PCDH9: variants seen among roughly 807,000 people sequenced by gnomAD.
PCDH9 encodes protocadherin-9.
Under a neutral mutation model 70.6 loss-of-function variants are expected in PCDH9, and 24 were observed. The ratio of observed to expected loss-of-function variants is 0.34; its 90% CI spans 0.25 to 0.48. The LOEUF (loss-of-function observed/expected upper bound fraction) is 0.48, where lower values mean the gene tolerates loss of function less well. PCDH9 is among the 20% of genes least tolerant of loss of function. The pLI is 0.99. For missense variants in PCDH9, 1,281 were observed against 1,503.6 expected (o/e 0.85, Z 2.45); for synonymous variants, 562 against 558.5 (o/e 1.01, Z -0.09).
chr13:66,518,391 A>G (rs1959839403), intron 4 of PCDH9, among the ~76,000 whole-genome samples: 1 of 152,142 alleles, frequency 6.6e-6, no homozygotes, highest in African/African-American at 2.4e-5. Flanking sequence ...AAACTATATC[A>G]ATCCCTATTT....
chr13:66,991,239 C>T (rs186708211), intron 2 of PCDH9: 1 of 152,082 alleles, frequency 6.6e-6, no homozygotes, highest in East Asian at 1.9e-4. Context: ...TAAGATCAAT[C>T]CATTACTATC....
Position 66,797,168 on chromosome 13 carries a change from A to G in PCDH9, c.3138+106336T>C, listed in dbSNP as rs185495999. 8.5e-5 allele frequency among the ~76,000 whole-genome samples: 13 copies of G among 152,250 alleles called. No homozygotes were observed. In the Middle Eastern group the frequency reaches 0.01, roughly 120 times the overall value. On this transcript the variant is annotated intron_variant, in intron 3 of 4. Transcript: ENST00000377865. ...TACAGAGTTCTTTTGACTGGGAGTT[A>G]TATTTTAAAATATGTGTTGCTCACA...
intron 4 of PCDH9, among the ~76,000 whole-genome samples, chr13:66,345,729 G>A (rs1219070493): frequency 2.0e-5 from 3 of 152,132 alleles, no homozygotes; most frequent in Non-Finnish European, 4.4e-5. Context: ...CCAGAGATGC[G>A]CCATGTCCAC....
At chr13:66,979,354 C>T (rs2083690337) in intron 2 of PCDH9, among the ~76,000 whole-genome samples, 1 of 152,098 alleles carries the variant, frequency 6.6e-6, no homozygotes, top group South Asian at 2.1e-4. Flanking sequence ...TTTGAAACTC[C>T]TTCATATTTT....
At chr13:66,805,318 A>T in intron 3 of PCDH9, among the ~76,000 whole-genome samples, 1 of 152,182 alleles carries the variant, frequency 6.6e-6, no homozygotes, top group Non-Finnish European at 1.5e-5. Context: ...TCTGCAGTCA[A>T]ACGTATTCAG....
chr13:66,798,971 G>C (rs2080286959), intron 3 of PCDH9, among the ~76,000 whole-genome samples: 1 of 151,818 alleles, frequency 6.6e-6, no homozygotes, highest in Non-Finnish European at 1.5e-5. Context: ...GTGCCACCAG[G>C]TCCAGTTAAT....
intron 2 of PCDH9, among the ~76,000 whole-genome samples, chr13:66,986,703 A>T (rs1489663682): frequency 6.6e-6 from 1 of 152,014 alleles, no homozygotes; most frequent in African/African-American, 2.4e-5. Context: ...GGGTACTAAA[A>T]CCATGATGAT....
At chr13:66,684,912 T>A (rs928188081) in intron 3 of PCDH9, among the ~76,000 whole-genome samples, 12 of 151,992 alleles carry the variant, frequency 7.9e-5, no homozygotes, top group Non-Finnish European at 1.5e-4. Flanking sequence ...ACTTGTTGAA[T>A]GCAAAATGTT....
intron 4 of PCDH9, among the ~76,000 whole-genome samples, chr13:66,357,627 T>G (rs1370550176): frequency 6.6e-6 from 1 of 152,094 alleles, no homozygotes; most frequent in Non-Finnish European, 1.5e-5. Context: ...AGTTGCTTAA[T>G]TGGATACAAA....
intron 3 of PCDH9, among the ~76,000 whole-genome samples, chr13:66,794,576 T>C (rs2080211065): frequency 6.6e-6 from 1 of 152,052 alleles, no homozygotes; most frequent in South Asian, 2.1e-4. Flanking sequence ...ACAGCCACCA[T>C]TATCACCCAA....
chr13:66,779,847 C>A (rs9540908), intron 3 of PCDH9, among the ~76,000 whole-genome samples: 14,360 of 57,064 alleles, frequency 0.25, 866 homozygotes, highest in South Asian at 0.3. Flanking sequence ...CTCTCTCTCT[C>A]TCTATATATA....
At chr13:66,641,049 ATTT>A in intron 3 of PCDH9, among the ~76,000 whole-genome samples, 1 of 151,882 alleles carries the variant, frequency 6.6e-6, no homozygotes, top group Non-Finnish European at 1.5e-5. Flanking sequence ...TAATTTTTGT[ATTT>A]TTAGTAGAGA....
chr13:66,304,617 T>A lies in PCDH9; in HGVS notation c.*38A>T, dbSNP rs775920916. 3.9e-6 allele frequency: 6 copies of A among 1,552,218 alleles called. No homozygotes were observed. The South Asian group carries it at 6.8e-5, about 18-fold the overall frequency. ...AGCTCTGACGCACACGGTATTAGCA[T>A]GTCTATTTAAAGTTATTAGGTCCCA... On this transcript the variant is annotated 3_prime_UTR_variant, in exon 5 of 5. Coordinates refer to ENST00000377865, the MANE Select transcript of PCDH9 (RefSeq NM_203487.3).
At chr13:66,561,136 G>A (rs1268914347) in intron 4 of PCDH9, among the ~76,000 whole-genome samples, 2 of 152,360 alleles carry the variant, frequency 1.3e-5, no homozygotes, top group Middle Eastern at 3.4e-3. Context: ...GTGGCCGTGT[G>A]CTGGGCAGGC....
chr13:67,201,114 G>A (rs2089200650), intron 2 of PCDH9: 1 of 151,960 alleles, frequency 6.6e-6, no homozygotes. Flanking sequence ...GGAAAGAAAT[G>A]CACATACTAC....
At chr13:66,529,244 A>T (rs1385768609) in intron 4 of PCDH9, among the ~76,000 whole-genome samples, 2 of 152,130 alleles carry the variant, frequency 1.3e-5, no homozygotes, top group East Asian at 3.9e-4. Context: ...ACTCTCAAAT[A>T]CTGACAGGCT....
At chr13:66,315,403 T>G (rs566032908) in intron 4 of PCDH9, among the ~76,000 whole-genome samples, 2 of 152,328 alleles carry the variant, frequency 1.3e-5, no homozygotes, top group East Asian at 3.9e-4. Context: ...TGTTTTTTAC[T>G]CAAATCACAT....
chr13:67,220,960 A>T (rs2089711505), intron 2 of PCDH9: 1 of 152,074 alleles, frequency 6.6e-6, no homozygotes, highest in Non-Finnish European at 1.5e-5. Flanking sequence ...GCCTATCCTC[A>T]TTTCAAAAAT....
intron 3 of PCDH9, among the ~76,000 whole-genome samples, chr13:66,784,972 C>T (rs2139306257): frequency 6.6e-6 from 1 of 152,008 alleles, no homozygotes; most frequent in South Asian, 2.1e-4. Flanking sequence ...ACGATCCTTC[C>T]CTTTTATTTT....
Sources: allele counts gnomAD v4.1 joint callset (sites outside exome capture counted in the v4.1 genomes callset), GRCh38; gene constraint gnomAD v4.1.1; transcripts MANE v1.5; gene names NCBI Gene and HGNC (gene_info 2026-07-23, HGNC 2026-07-21).